AATF: variants seen among roughly 807,000 people sequenced by gnomAD.
The protein encoded by AATF is apoptosis antagonizing transcription factor, also known as protein AATF.
AATF carries 48 observed loss-of-function variants against 63.7 expected under a neutral mutation model. The ratio of observed to expected loss-of-function variants is 0.75; its 90% CI spans 0.60 to 0.96. The LOEUF (loss-of-function observed/expected upper bound fraction) is 0.96, where lower values mean the gene tolerates loss of function less well. AATF is among the 40% of genes least tolerant of loss of function. The pLI is 0.00. For synonymous variants in AATF, 258 were observed against 247.7 expected, an observed-to-expected ratio of 1.04 and a Z score of -0.39; for missense variants, 639 against 685.7, an observed-to-expected ratio of 0.93 and a Z score of 0.76.
In AATF at chr17:36,949,090, C is replaced by T. The variant is rs2306657; in HGVS notation, c.-36C>T. The T allele has an allele frequency of 3.9e-6, 6 of 1,519,122 alleles. No individual in the cohort carries two copies. In the East Asian group the frequency reaches 1.4e-4, roughly 37 times the overall value. The allele number at this position is 1,519,122 out of a possible 1,614,324, so 94.1% of individuals were successfully genotyped here. A position where few individuals can be genotyped will look rare whatever the true frequency, so the allele number is the denominator to read the frequency against. On this transcript the variant is annotated 5_prime_UTR_variant, in exon 1 of 12. It adds an upstream start codon to the 5' untranslated region. Coordinates refer to ENST00000619387, the MANE Select transcript of AATF (RefSeq NM_012138.4). ...GGCCGGGGGTTGGGCCGCACATTTA[C>T]GTGCGCGAAGCGGAGTGGACCGGGA...
chr17:36,994,861 G>A (rs2071242248), intron 8 of AATF, among the ~76,000 whole-genome samples: 1 of 152,170 alleles, frequency 6.6e-6, no homozygotes, highest in Non-Finnish European at 1.5e-5. Context: ...AACACTAGTG[G>A]CGTGCCAGTC....
intron 8 of AATF, among the ~76,000 whole-genome samples, chr17:37,011,242 G>A (rs1301104669): frequency 1.3e-5 from 2 of 152,166 alleles, no homozygotes; most frequent in African/African-American, 2.4e-5. Flanking sequence ...CGGCGTGGTG[G>A]TGCACGCCTG....
rs186742808 is a variant in AATF at position 36,997,054 on chromosome 17, A to G, written c.1398+6197A>G. Among the ~76,000 whole-genome samples, 16 of 152,330 alleles carry G rather than the reference A, an allele frequency of 1.1e-4. No individual in the cohort carries two copies. In the East Asian group the frequency reaches 2.7e-3, roughly 26 times the overall value. ...AGTTTGCTAGGCAAATATGTGGCCA[A>G]AATTACCCTTTTTGTACTAATATGC... On this transcript the variant is annotated intron_variant, in intron 8 of 11. Transcript: ENST00000619387.
chr17:37,036,022 C>G (rs1597735737), intron 11 of AATF, among the ~76,000 whole-genome samples: 1 of 152,130 alleles, frequency 6.6e-6, no homozygotes, highest in South Asian at 2.1e-4. Flanking sequence ...TTCCTGGGCT[C>G]AGGCCATCCT....
chr17:37,045,210 A>T (rs1186229592), intron 11 of AATF, among the ~76,000 whole-genome samples: 2 of 152,218 alleles, frequency 1.3e-5, no homozygotes, highest in African/African-American at 4.8e-5. Context: ...ACCACACCCT[A>T]TGCTTTACCA....
intron 4 of AATF, among the ~76,000 whole-genome samples, chr17:36,981,462 G>A (rs1365364368): frequency 7.2e-6 from 1 of 139,764 alleles, no homozygotes; most frequent in Non-Finnish European, 1.5e-5. Flanking sequence ...TTTTTTTTTT[G>A]AGACAGGGTC....
intron 8 of AATF, among the ~76,000 whole-genome samples, chr17:37,010,461 A>G (rs983048679): frequency 1.3e-5 from 2 of 151,742 alleles, no homozygotes; most frequent in Non-Finnish European, 2.9e-5. Flanking sequence ...CCATCTCAAA[A>G]AAATTATTAT....
intron 4 of AATF, among the ~76,000 whole-genome samples, chr17:36,972,395 C>T (rs770553621): frequency 2.7e-4 from 41 of 152,170 alleles, no homozygotes; most frequent in African/African-American, 2.4e-5. Flanking sequence ...TGATTTACTG[C>T]AAAATTGCTT....
At chr17:37,046,837 A>G (rs1818000918) in intron 11 of AATF, among the ~76,000 whole-genome samples, 1 of 151,878 alleles carries the variant, frequency 6.6e-6, no homozygotes, top group Non-Finnish European at 1.5e-5. Flanking sequence ...CTGGAATGTC[A>G]GTCTCACCTT....
rs1225741271 is a variant in AATF at position 36,952,945 on chromosome 17, G to A, written c.343G>A (p.Glu115Lys). ...GDEDSEGLGL[E>K]EYDEDDLGAA... is the part of the protein sequence containing the mutation. ...TGAAGATTCAGAGGGACTGGGTCTG[G>A]AGGAATATGATGAGGACGACCTGGG... The change falls in exon 3 of 12, where the codon GAG (glutamate) becomes AAG (lysine). Residue 115 changes from glutamate to lysine, a missense_variant. Glu to Lys is a moderately conservative substitution (Grantham distance 56). Coordinates refer to ENST00000619387, the MANE Select transcript of AATF (RefSeq NM_012138.4). 1.2e-6 allele frequency: 2 copies of A among 1,614,194 alleles called. No homozygotes were observed. Among genetic ancestry groups the A allele is most frequent in the South Asian group, 1.1e-5 (1 of 91,076 alleles).
At chr17:36,989,072 CT>C (rs540536081) in intron 6 of AATF, among the ~76,000 whole-genome samples, 174 bp from the exon 7 acceptor site, 4,213 of 147,758 alleles carry the variant, frequency 0.029, 198 homozygotes, top group African/African-American at 0.096. Flanking sequence ...TTAAGACTAA[CT>C]TTTTTTTTTT....
At chr17:37,006,973 G>A (rs1324190242) in intron 8 of AATF, among the ~76,000 whole-genome samples, 2 of 152,198 alleles carry the variant, frequency 1.3e-5, no homozygotes, top group African/African-American at 4.8e-5. Context: ...TTCAGTGGTA[G>A]CCTCTAGCTA....
At chr17:36,973,546 T>C (rs1447076501) in intron 4 of AATF, among the ~76,000 whole-genome samples, 1 of 152,196 alleles carries the variant, frequency 6.6e-6, no homozygotes, top group Non-Finnish European at 1.5e-5. Flanking sequence ...GATGAATTTG[T>C]TATAGAACAG....
At chr17:36,960,375 T>C (rs1301327310) in intron 4 of AATF, among the ~76,000 whole-genome samples, 1 of 152,258 alleles carries the variant, frequency 6.6e-6, no homozygotes, top group Non-Finnish European at 1.5e-5. Context: ...AATAATGTTT[T>C]AAATTTTGCG....
chr17:36,965,116 T>C (rs2070980999), intron 4 of AATF, among the ~76,000 whole-genome samples: 1 of 152,218 alleles, frequency 6.6e-6, no homozygotes, highest in African/African-American at 2.4e-5. Flanking sequence ...TTAGAAAGTA[T>C]TGCCTGTTAC....
intron 9 of AATF, 68 bp from the exon 10 acceptor site, chr17:37,020,866 C>G: frequency 7.8e-7 from 1 of 1,275,924 alleles, no homozygotes; most frequent in South Asian, 1.5e-5. Context: ...TAGAATAATT[C>G]CAATTTGTCA....
chr17:37,027,960 T>TA (rs1219209570), intron 10 of AATF, among the ~76,000 whole-genome samples: 3 of 152,222 alleles, frequency 2.0e-5, no homozygotes, highest in Non-Finnish European at 2.9e-5. Flanking sequence ...CTAAGGACAT[T>TA]AAAAGATATA....
intron 11 of AATF, among the ~76,000 whole-genome samples, chr17:37,047,526 C>G (rs2071703595): frequency 6.6e-6 from 1 of 152,222 alleles, no homozygotes; most frequent in Admixed American, 6.5e-5. Flanking sequence ...CCCAGCCTCT[C>G]AGTTCCTTTG....
intron 8 of AATF, among the ~76,000 whole-genome samples, chr17:37,010,861 A>G (rs1027288747): frequency 6.6e-6 from 1 of 152,216 alleles, no homozygotes; most frequent in Non-Finnish European, 1.5e-5. Flanking sequence ...GTGGGCCTGC[A>G]GCACAGAGGC....
Sources: allele counts gnomAD v4.1 joint callset (sites outside exome capture counted in the v4.1 genomes callset), GRCh38; gene constraint gnomAD v4.1.1; transcripts MANE v1.5; gene names NCBI Gene and HGNC (gene_info 2026-07-23, HGNC 2026-07-21).